PAM: variants seen among roughly 807,000 people sequenced by gnomAD.
The protein encoded by PAM is peptidyl-glycine alpha-amidating monooxygenase.
PAM carries 72 observed loss-of-function variants against 122.1 expected under a neutral mutation model. That is an observed-to-expected ratio of 0.59 (90% CI 0.49 to 0.72). PAM has a LOEUF of 0.72. Among genes scored for constraint, PAM ranks in the 30% least tolerant of loss-of-function variants. PAM has a pLI of 0.00. For synonymous variants in PAM, 389 were observed against 404.4 expected (o/e 0.96, Z 0.46); for missense variants, 1,106 against 1,183.7 (o/e 0.93, Z 0.96).
chr5:102,765,422 G>A (rs986319883), intron 1 of PAM, among the ~76,000 whole-genome samples: 1 of 152,154 alleles, frequency 6.6e-6, no homozygotes, highest in Non-Finnish European at 1.5e-5. Context: ...AATATTTTAG[G>A]TGGGTGTAGT....
At chr5:102,938,256 A>G (rs1478394184) in intron 7 of PAM, among the ~76,000 whole-genome samples, 2 of 152,138 alleles carry the variant, frequency 1.3e-5, no homozygotes. Flanking sequence ...TTTAGTATGG[A>G]AGACAAATGA....
At chr5:102,836,043 A>G (rs749799133) in intron 1 of PAM, among the ~76,000 whole-genome samples, 1 of 152,284 alleles carries the variant, frequency 6.6e-6, no homozygotes, top group East Asian at 1.9e-4. Context: ...TGTCTGGGAG[A>G]TTGAATTTTT....
chr5:102,935,088 G>A (rs375400981), intron 7 of PAM, among the ~76,000 whole-genome samples: 3 of 151,826 alleles, frequency 2.0e-5, no homozygotes, highest in Non-Finnish European at 4.4e-5. Flanking sequence ...AAAATCCCTT[G>A]TAATACCCCT....
At chr5:102,885,324 A>T (rs1792688263) in intron 3 of PAM, among the ~76,000 whole-genome samples, 1 of 151,980 alleles carries the variant, frequency 6.6e-6, no homozygotes, top group Admixed American at 6.6e-5. Flanking sequence ...AATTCTGTTT[A>T]TCTTACCATT....
At chr5:103,019,702 T>C (rs754865978) in intron 22 of PAM, 88 bp from the exon 23 acceptor site, 13 of 843,614 alleles carry the variant, frequency 1.5e-5, no homozygotes, top group Non-Finnish European at 2.2e-5. Flanking sequence ...AAATATTTTC[T>C]ACTGAGTAAA....
At position 103,007,660 on chromosome 5, in the gene PAM, A is replaced by G. The variant is rs763619273; in HGVS notation, c.2215+3A>G. On this transcript the variant is annotated splice_donor_region_variant and intron_variant, in intron 20 of 25. Transcript: ENST00000438793. ...ATTTGCAATTTCATATATACCAGGT[A>G]TTTCATCTTAATATGTTTGTTGTCT... The G allele has an allele frequency of 4.4e-5, 67 of 1,539,496 alleles. No homozygotes were observed. In the South Asian group the frequency reaches 7.3e-4, roughly 17 times the overall value.
chr5:102,985,309 A>C (rs1771428083), intron 15 of PAM, among the ~76,000 whole-genome samples: 1 of 152,096 alleles, frequency 6.6e-6, no homozygotes, highest in Non-Finnish European at 1.5e-5. Context: ...AAAATGAGTA[A>C]ACTGCTAGCT....
At chr5:102,782,431 A>G (rs536136935) in intron 1 of PAM, among the ~76,000 whole-genome samples, 5 of 152,358 alleles carry the variant, frequency 3.3e-5, no homozygotes, top group African/African-American at 9.6e-5. Context: ...TGAGTTTGAA[A>G]TAGATACAAA....
chr5:102,936,719 G>A (rs965841631), intron 7 of PAM, among the ~76,000 whole-genome samples: 2 of 152,050 alleles, frequency 1.3e-5, no homozygotes, highest in African/African-American at 4.8e-5. Context: ...AGTAAAAACT[G>A]TAACAAACAT....
At chr5:102,775,254 T>G (rs536526373) in intron 1 of PAM, among the ~76,000 whole-genome samples, 1 of 152,256 alleles carries the variant, frequency 6.6e-6, no homozygotes, top group Admixed American at 6.5e-5. Flanking sequence ...TTCTTTGGTC[T>G]GCAGTGTTGG....
chr5:102,882,422 C>T (rs1210904912), intron 3 of PAM, among the ~76,000 whole-genome samples: 1 of 151,736 alleles, frequency 6.6e-6, no homozygotes, highest in Non-Finnish European at 1.5e-5. Context: ...GCCATTCTTG[C>T]AGGAGTAAGG....
Position 102,885,094 on chromosome 5 carries a change from T to TATATATATATATATATATAA in PAM, c.211-16261_211-16260insTATATATATATATATATAAA, listed in dbSNP as rs60241746. Among the ~76,000 whole-genome samples the TATATATATATATATATATAA allele has an allele frequency of 2.1e-3, 316 of 147,834 alleles. 11 individuals carry two copies. Among genetic ancestry groups the TATATATATATATATATATAA allele is most frequent in the East Asian group, 0.018 (87 of 4,848 alleles). ...CTTGTTTAATAACTATATATATATA[T>TATATATATATATATATATAA]AACTATAAAAGCTTTACTTGATTAT... On this transcript the variant is annotated intron_variant, in intron 3 of 25. Coordinates refer to ENST00000438793, the MANE Select transcript of PAM (RefSeq NM_001177306.2).
intron 4 of PAM, among the ~76,000 whole-genome samples, chr5:102,902,905 A>C (rs1798409280): frequency 6.6e-6 from 1 of 151,600 alleles, no homozygotes; most frequent in African/African-American, 2.4e-5. Context: ...GTAGTATATG[A>C]TTTTAGAACC....
intron 21 of PAM, among the ~76,000 whole-genome samples, chr5:103,014,342 G>T (rs1781427778): frequency 6.6e-6 from 1 of 152,280 alleles, no homozygotes; most frequent in South Asian, 2.1e-4. Context: ...CAAAGAATGA[G>T]TCACAATATG....
At position 102,826,576 on chromosome 5, in the gene PAM, A is replaced by G. The variant is rs115501053; in HGVS notation, c.-373-39247A>G. Among the ~76,000 whole-genome samples the G allele has an allele frequency of 2.1e-3, 324 of 152,266 alleles. 1 individual carries two copies. Among genetic ancestry groups the G allele is most frequent in the African/African-American group, 7.4e-3 (309 of 41,552 alleles). ...GCCCTATCTAGAGGACGTATTTGAG[A>G]TGCACCAGAGATCCCCTACCTCTTA... On this transcript the variant is annotated intron_variant, in intron 1 of 25. Coordinates refer to ENST00000438793, the MANE Select transcript of PAM (RefSeq NM_001177306.2).
chr5:102,839,467 G>A lies in PAM; in HGVS notation c.-373-26356G>A, dbSNP rs187602970. 5.5e-4 allele frequency among the ~76,000 whole-genome samples: 84 copies of A among 151,372 alleles called. 1 individual carries two copies. Among genetic ancestry groups the A allele is most frequent in the African/African-American group, 2.0e-3 (83 of 41,226 alleles). On this transcript the variant is annotated intron_variant, in intron 1 of 25. Transcript: ENST00000438793. ...CACAAGAATCACTTGAGCCCGGGAG[G>A]TGGAGGTTGCAGTGAGCCAAGATCT...
At chr5:102,960,170 C>A (rs1356866607) in intron 13 of PAM, 111 bp downstream of exon 13, 3 of 592,474 alleles carry the variant, frequency 5.1e-6, no homozygotes, top group Non-Finnish European at 8.8e-6. Context: ...TTCTACCAGT[C>A]ACATGTACAC....
intron 1 of PAM, among the ~76,000 whole-genome samples, chr5:102,780,147 A>G (rs1490684577): frequency 6.6e-6 from 1 of 151,932 alleles, no homozygotes; most frequent in Non-Finnish European, 1.5e-5. Flanking sequence ...TCCACATTAC[A>G]TATGCTACCC....
intron 1 of PAM, among the ~76,000 whole-genome samples, chr5:102,789,047 T>C (rs943854361): frequency 3.3e-5 from 5 of 152,098 alleles, no homozygotes; most frequent in Admixed American, 2.6e-4. Flanking sequence ...TAGAGAAAAG[T>C]TAGCTAATAC....
Sources: allele counts gnomAD v4.1 joint callset (sites outside exome capture counted in the v4.1 genomes callset), GRCh38; gene constraint gnomAD v4.1.1; transcripts MANE v1.5; gene names NCBI Gene and HGNC (gene_info 2026-07-23, HGNC 2026-07-21).